The following EIF3E variants were observed in gnomAD, a reference collection of about 807,000 sequenced individuals.
EIF3E encodes eukaryotic translation initiation factor 3 subunit E, also known as eIF-3 p48.
Under a neutral mutation model 59.3 loss-of-function variants are expected in EIF3E, and 25 were observed. That is an observed-to-expected ratio of 0.42 (90% CI 0.31 to 0.59). The LOEUF is 0.59. EIF3E is among the 20% of genes least tolerant of loss of function. EIF3E has a pLI of 0.15. For missense variants in EIF3E, 317 were observed against 534.3 expected (o/e 0.59, Z 4.01); for synonymous variants, 176 against 170.2 (o/e 1.03, Z -0.26).
At chr8:108,205,831 A>G (rs1455002660) in intron 10 of EIF3E, among the ~76,000 whole-genome samples, 1 of 152,158 alleles carries the variant, frequency 6.6e-6, no homozygotes, top group African/African-American at 2.4e-5. Flanking sequence ...ATGCTGGCAT[A>G]TTGTTATAAT....
At chr8:108,232,371 A>G (rs1346787237) in intron 5 of EIF3E, among the ~76,000 whole-genome samples, 5 of 152,222 alleles carry the variant, frequency 3.3e-5, no homozygotes. Context: ...GATGTAAAAC[A>G]TATTAACTTA....
chr8:108,245,235 G>A (rs1815925046), intron 1 of EIF3E, among the ~76,000 whole-genome samples: 1 of 151,948 alleles, frequency 6.6e-6, no homozygotes, highest in African/African-American at 2.4e-5. Flanking sequence ...GCGAGGCCAA[G>A]GTGGCAGATC....
At chr8:108,227,469 C>T (rs911845117) in intron 7 of EIF3E, 24 of 151,978 alleles carry the variant, frequency 1.6e-4, no homozygotes, top group African/African-American at 5.8e-4. Flanking sequence ...CTAATATTGC[C>T]ACTGTAATCT....
At chr8:108,223,908 G>T (rs6998870) in intron 7 of EIF3E, among the ~76,000 whole-genome samples, 16 of 151,330 alleles carry the variant, frequency 1.1e-4, no homozygotes, top group African/African-American at 3.9e-4. Context: ...GATCTCTAAC[G>T]TACTTTTATA....
Position 108,229,163 on chromosome 8 carries a change from T to C in EIF3E, c.504A>G (p.Ser168=), listed in dbSNP as rs772457863. ...TTTCAGAGGCCAGCTTTCCCCAGAG[T>C]GAACTTAAAGCATTTCTATCTGTTG... ...VPATDRNALS[S]LWGKLASEIL... The change falls in exon 6 of 13, where the codon TCA becomes TCG. Residue 168 remains serine, a synonymous_variant. Transcript: ENST00000220849. The C allele has an allele frequency of 1.2e-6, 2 of 1,613,530 alleles. No individual in the cohort carries two copies. Among genetic ancestry groups the C allele is most frequent in the Non-Finnish European group, 1.7e-6 (2 of 1,179,660 alleles).
In EIF3E at chr8:108,217,393, T is replaced by C; in HGVS notation, c.790A>G (p.Asn264Asp). 6.2e-7 allele frequency: 1 copy of C among 1,602,384 alleles called. No homozygotes were observed. Among genetic ancestry groups the C allele is most frequent in the Non-Finnish European group, 8.5e-7 (1 of 1,174,370 alleles). The change falls in exon 8 of 13, where the codon AAC (asparagine) becomes GAC (aspartate). Residue 264 changes from asparagine (N) to aspartate (D), a missense_variant. Physicochemically the swap from Asn to Asp is conservative, Grantham distance 23 (BLOSUM62 1). Transcript: ENST00000220849. The part of the protein sequence containing the change: ...LRYLTTAVIT[N>D]KDVRKRRQVL... ...TGCCGACGTTTTCGAACATCCTTGTTTGTTATGACTGCTGTAGTCAAATAG... is the reference window on the plus strand; with the variant it reads ...TGCCGACGTTTTCGAACATCCTTGTCTGTTATGACTGCTGTAGTCAAATAG...
intron 10 of EIF3E, among the ~76,000 whole-genome samples, chr8:108,209,393 TC>T (rs1815164733): frequency 6.6e-6 from 1 of 152,120 alleles, no homozygotes; most frequent in South Asian, 2.1e-4. Flanking sequence ...TTCTCATTGT[TC>T]CCCAATGCAG....
intron 7 of EIF3E, 83 bp downstream of exon 7, chr8:108,228,184 T>C (rs758865614): frequency 2.4e-5 from 32 of 1,359,386 alleles, no homozygotes; most frequent in African/African-American, 6.0e-5. Context: ...ATTCAAATGA[T>C]AGAAAAAAGT....
intron 11 of EIF3E, 132 bp downstream of exon 11, chr8:108,203,269 T>A: frequency 7.8e-7 from 1 of 1,286,098 alleles, no homozygotes; most frequent in South Asian, 1.5e-5. Context: ...GAGGCTTCTG[T>A]TGCCTTCAAA....
rs1814993219 is a variant in EIF3E at position 108,201,342 on chromosome 8, G to GT, written c.*542dup. 1 of 149,758 alleles carries GT rather than the reference G, an allele frequency of 6.7e-6. No individual in the cohort carries two copies. Among genetic ancestry groups the GT allele is most frequent in the Non-Finnish European group, 1.5e-5 (1 of 67,666 alleles). 9.3% of individuals were successfully genotyped at this position (149,758 alleles called of 1,614,324 possible). A position where few individuals can be genotyped will look rare whatever the true frequency, so the allele number is the denominator to read the frequency against. On this transcript the variant is annotated 3_prime_UTR_variant, in exon 13 of 13. Transcript: ENST00000220849. ...GCTAATCTCAAAGGTTGTGTATTATGTAATTCCATTTATATAACATTCTCA... is the reference window on the plus strand; with the variant it reads ...GCTAATCTCAAAGGTTGTGTATTATGTTAATTCCATTTATATAACATTCTCA...
intron 1 of EIF3E, chr8:108,242,731 A>C: frequency 4.1e-6 from 4 of 983,032 alleles, no homozygotes; most frequent in Non-Finnish European, 4.9e-6. Flanking sequence ...TTGCAATTGA[A>C]ATGGCTAAAA....
intron 6 of EIF3E, 102 bp downstream of exon 6, chr8:108,228,968 T>A: frequency 1.4e-6 from 1 of 711,896 alleles, no homozygotes; most frequent in Non-Finnish European, 1.9e-6. Flanking sequence ...CTAATATGAA[T>A]TTTTTTTTTT....
intron 1 of EIF3E, among the ~76,000 whole-genome samples, chr8:108,244,126 A>T (rs1213570197): frequency 2.6e-5 from 4 of 152,264 alleles, no homozygotes; most frequent in Non-Finnish European, 5.9e-5. Context: ...ACAATTTTTT[A>T]AAAATTTTGA....
chr8:108,236,120 A>C, intron 4 of EIF3E, 41 bp downstream of exon 4: 2 of 1,580,224 alleles, frequency 1.3e-6, no homozygotes, highest in Non-Finnish European at 1.7e-6. Context: ...AGTCAGCATT[A>C]TTAAAACATG....
Position 108,216,083 on chromosome 8 carries a change from G to A in EIF3E, c.951+329C>T, listed in dbSNP as rs193085352. Among the ~76,000 whole-genome samples the A allele has an allele frequency of 2.8e-3, 425 of 152,138 alleles. 5 individuals are homozygous for A. Among genetic ancestry groups the A allele is most frequent in the Middle Eastern group, 6.8e-3 (2 of 294 alleles). On this transcript the variant is annotated intron_variant, in intron 9 of 12. Transcript: ENST00000220849. ...TATGAAATATTAAAAATATTCATTC[G>A]AGATTTAAGACATGAAATTATGGAT...
At chr8:108,237,656 GAT>G (rs1253803414) in intron 3 of EIF3E, among the ~76,000 whole-genome samples, 2 of 152,168 alleles carry the variant, frequency 1.3e-5, no homozygotes, top group Admixed American at 1.3e-4. Context: ...ATGGAGCAGA[GAT>G]ATGTCCCCAT....
At chr8:108,211,105 T>C (rs1815201199) in intron 10 of EIF3E, among the ~76,000 whole-genome samples, 1 of 152,236 alleles carries the variant, frequency 6.6e-6, no homozygotes, top group South Asian at 2.1e-4. Context: ...CCTTTGGGTA[T>C]ATGTCCAGTA....
At position 108,239,894 on chromosome 8, in the gene EIF3E, G is replaced by A. The variant is rs1043016621; in HGVS notation, c.323+64C>T. On this transcript the variant is annotated intron_variant, in intron 3 of 12. Coordinates refer to ENST00000220849, the MANE Select transcript of EIF3E (RefSeq NM_001568.3). The stretch of plus-strand genomic sequence containing the variant: ...TACTATGGGATACTGGATAAAGTTT[G>A]AATTAACATTTGTATTAATCCAGAA... 57 of 1,271,956 alleles carry A rather than the reference G, an allele frequency of 4.5e-5. 1 individual carries two copies. Among genetic ancestry groups the A allele is most frequent in the Middle Eastern group, 5.1e-4 (2 of 3,934 alleles). The allele number at this position is 1,271,956 out of a possible 1,614,324, so 78.8% of individuals were successfully genotyped here.
rs1814997965 is a variant in EIF3E at position 108,201,630 on chromosome 8, A to AG, written c.*254dup. 2 of 278,904 alleles carry AG rather than the reference A, an allele frequency of 7.2e-6. No individual in the cohort carries two copies. Among genetic ancestry groups the AG allele is most frequent in the Admixed American group, 5.2e-5 (1 of 19,064 alleles). The allele number at this position is 278,904 out of a possible 1,614,324, so 17.3% of individuals were successfully genotyped here. On this transcript the variant is annotated 3_prime_UTR_variant, in exon 13 of 13. Transcript: ENST00000220849. Reference sequence around the variant, plus strand: ...GAAAAAATTGAGGGAAACAGGGTTCAGCCTACAGGGACTTCTCTGTACTAT... The same window carrying AG: ...GAAAAAATTGAGGGAAACAGGGTTCAGGCCTACAGGGACTTCTCTGTACTAT...
Sources: allele counts gnomAD v4.1 joint callset (sites outside exome capture counted in the v4.1 genomes callset), GRCh38; gene constraint gnomAD v4.1.1; transcripts MANE v1.5; gene names NCBI Gene and HGNC (gene_info 2026-07-23, HGNC 2026-07-21).